Variants in MARCHF1 observed in about 807,000 individuals in gnomAD.
MARCHF1 encodes E3 ubiquitin-protein ligase MARCHF1.
A neutral mutation model predicts 54.2 loss-of-function variants in MARCHF1; 40 were observed. The observed-to-expected ratio is 0.74, with a 90% CI of 0.57 to 0.96. The LOEUF (loss-of-function observed/expected upper bound fraction) is 0.96, where lower values mean the gene tolerates loss of function less well. MARCHF1 is among the 40% of genes least tolerant of loss of function. The pLI, the probability that MARCHF1 is intolerant of heterozygous loss-of-function variation, is 0.00. For missense variants in MARCHF1, 586 were observed against 656.5 expected (o/e 0.89, Z 1.17); for synonymous variants, 236 against 236.3 (o/e 1.00, Z 0.01).
chr4:163,658,531 C>G (rs1743230358), intron 5 of MARCHF1, among the ~76,000 whole-genome samples: 1 of 151,858 alleles, frequency 6.6e-6, no homozygotes, highest in African/African-American at 2.4e-5. Flanking sequence ...ACCATTTGAC[C>G]CAGCCATCTC....
At position 163,528,186 on chromosome 4, in the gene MARCHF1, T is replaced by TGTCA. The variant is rs1472576085; in HGVS notation, c.*558_*561dup. On this transcript the variant is annotated 3_prime_UTR_variant, in exon 10 of 10. Transcript: ENST00000514618. ...CATCTATTTAAAAAAAACATGCATC[T>TGTCA]GTCAAAATAACCAGACTCCACTAAA... 6.6e-6 allele frequency: 1 copy of TGTCA among 152,624 alleles called. No homozygotes were observed. The highest frequency in any genetic ancestry group is 2.4e-5 in the African/African-American group (1 of 41,456). 9.5% of individuals were successfully genotyped at this position (152,624 alleles called of 1,614,324 possible).
intron 1 of MARCHF1, among the ~76,000 whole-genome samples, chr4:164,188,124 C>T (rs918370428): frequency 6.6e-6 from 1 of 152,204 alleles, no homozygotes; most frequent in Non-Finnish European, 1.5e-5. Flanking sequence ...AGAGAATCCA[C>T]ATCTGATTTT....
At chr4:163,851,879 TA>T (rs1240442747) in intron 4 of MARCHF1, among the ~76,000 whole-genome samples, 1 of 152,202 alleles carries the variant, frequency 6.6e-6, no homozygotes, top group Non-Finnish European at 1.5e-5. Context: ...TCTGGATTTT[TA>T]AATCATGATT....
At chr4:163,721,086 A>C (rs542032572) in intron 4 of MARCHF1, among the ~76,000 whole-genome samples, 52 of 152,150 alleles carry the variant, frequency 3.4e-4, no homozygotes, top group Non-Finnish European at 6.9e-4. Context: ...GTGGTGAGAG[A>C]GGGCATCCCT....
chr4:163,946,997 C>T (rs1387262303), intron 3 of MARCHF1, among the ~76,000 whole-genome samples: 1 of 152,126 alleles, frequency 6.6e-6, no homozygotes, highest in South Asian at 2.1e-4. Context: ...AAGTAGGCAG[C>T]ACTTACCTTT....
At chr4:163,566,514 T>C (rs182623490) in intron 8 of MARCHF1, among the ~76,000 whole-genome samples, 1 of 152,326 alleles carries the variant, frequency 6.6e-6, no homozygotes, top group East Asian at 1.9e-4. Context: ...GTGTTGACTA[T>C]GAAAGCTAAG....
chr4:163,619,617 C>T lies in MARCHF1; in HGVS notation c.163-6224G>A, dbSNP rs191574368. On this transcript the variant is annotated intron_variant, in intron 5 of 9. Coordinates refer to ENST00000514618, the MANE Select transcript of MARCHF1 (RefSeq NM_001394959.1). ...TAGGAATCTATCTGTCTATATGTAT[C>T]TTTCTGTTTCTCGGTACAGACAAAT... Among the ~76,000 whole-genome samples the T allele has an allele frequency of 2.6e-3, 393 of 152,032 alleles. 2 individuals are homozygous for T. The highest frequency in any genetic ancestry group is 7.2e-3 in the Admixed American group (110 of 15,246).
intron 2 of MARCHF1, among the ~76,000 whole-genome samples, chr4:164,050,597 T>A (rs1403290257): frequency 6.6e-6 from 1 of 152,180 alleles, no homozygotes; most frequent in Non-Finnish European, 1.5e-5. Flanking sequence ...CAGGCAGCAT[T>A]AGCATCCCCT....
At chr4:164,111,898 T>C (rs1010945024) in intron 1 of MARCHF1, among the ~76,000 whole-genome samples, 1 of 151,796 alleles carries the variant, frequency 6.6e-6, no homozygotes, top group African/African-American at 2.4e-5. Flanking sequence ...TAATAAGAAA[T>C]AAACTGAAGT....
rs1560959814 is a variant in MARCHF1 at position 164,220,592 on chromosome 4, TATATATGTAATATATATGCTATATATGC to T, written c.-322-108958_-322-108931del. On this transcript the variant is annotated intron_variant, in intron 1 of 9. Transcript: ENST00000514618. ...ATATATGTAATACATATGATATATG[TATATATGTAATATATATGCTATATATGC>T]ATATATGTAATATATATGCTATATA... is the stretch of plus-strand genomic sequence containing the variant. Among the ~76,000 whole-genome samples, 52 of 119,128 alleles carry T rather than the reference TATATATGTAATATATATGCTATATATGC, an allele frequency of 4.4e-4. No individual in the cohort carries two copies. The South Asian group carries it at 0.01, about 24-fold the overall frequency. The allele number at this position is 119,128 out of a possible 152,430, so 78.2% of individuals were successfully genotyped here. A position where few individuals can be genotyped will look rare whatever the true frequency, so the allele number is the denominator to read the frequency against.
chr4:163,815,552 T>G (rs1459180307), intron 4 of MARCHF1, among the ~76,000 whole-genome samples: 1 of 152,154 alleles, frequency 6.6e-6, no homozygotes, highest in Admixed American at 6.5e-5. Context: ...CAGGGCTATC[T>G]TCTGGAGTGG....
chr4:163,783,148 T>C (rs796176493), intron 4 of MARCHF1, among the ~76,000 whole-genome samples: 8 of 152,308 alleles, frequency 5.3e-5, no homozygotes, highest in African/African-American at 1.9e-4. Context: ...AACCATGTTG[T>C]TATGTATAAT....
intron 1 of MARCHF1, among the ~76,000 whole-genome samples, chr4:164,275,975 T>C (rs1733871281): frequency 6.6e-6 from 1 of 152,194 alleles, no homozygotes; most frequent in Non-Finnish European, 1.5e-5. Context: ...ATAGTCAATA[T>C]CTCTATCTCA....
chr4:163,785,137 A>T (rs1747579882), intron 4 of MARCHF1, among the ~76,000 whole-genome samples: 1 of 152,260 alleles, frequency 6.6e-6, no homozygotes, highest in East Asian at 1.9e-4. Context: ...CTTTAATTTC[A>T]TTGAGTACAT....
At chr4:164,044,259 G>C (rs994014106) in intron 2 of MARCHF1, among the ~76,000 whole-genome samples, 1 of 152,050 alleles carries the variant, frequency 6.6e-6, no homozygotes, top group Non-Finnish European at 1.5e-5. Context: ...CTTGAGACTC[G>C]GTAGTTTATT....
At chr4:164,010,509 A>G (rs1370672688) in intron 2 of MARCHF1, among the ~76,000 whole-genome samples, 3 of 152,068 alleles carry the variant, frequency 2.0e-5, no homozygotes, top group Admixed American at 6.5e-5. Context: ...AAAGATACAT[A>G]TATCCCATTT....
chr4:163,706,628 G>A (rs1053267715), intron 4 of MARCHF1, among the ~76,000 whole-genome samples: 1 of 151,924 alleles, frequency 6.6e-6, no homozygotes, highest in African/African-American at 2.4e-5. Flanking sequence ...ACCATACTTT[G>A]ATGGGAAGAT....
chr4:164,141,738 C>T (rs1756540882), intron 1 of MARCHF1, among the ~76,000 whole-genome samples: 1 of 152,094 alleles, frequency 6.6e-6, no homozygotes, highest in Non-Finnish European at 1.5e-5. Context: ...TATAAATAAC[C>T]CTGGTGCCCC....
chr4:163,784,700 A>G (rs959615153), intron 4 of MARCHF1, among the ~76,000 whole-genome samples: 1 of 152,128 alleles, frequency 6.6e-6, no homozygotes, highest in Non-Finnish European at 1.5e-5. Context: ...GAAGACAGTG[A>G]CATTTCATAG....
Sources: allele counts gnomAD v4.1 joint callset (sites outside exome capture counted in the v4.1 genomes callset), GRCh38; gene constraint gnomAD v4.1.1; transcripts MANE v1.5; gene names NCBI Gene and HGNC (gene_info 2026-07-23, HGNC 2026-07-21).